Variants in EPHB3 observed in about 807,000 individuals in gnomAD.
EPHB3 encodes the protein ephrin type-B receptor 3.
In EPHB3, 33 loss-of-function variants were observed where a neutral mutation model predicts 100.2. The ratio of observed to expected loss-of-function variants is 0.33; its 90% CI spans 0.25 to 0.44. The LOEUF (loss-of-function observed/expected upper bound fraction) is 0.44, where lower values mean the gene tolerates loss of function less well. EPHB3 is among the 20% of genes least tolerant of loss of function. The pLI is 1.00. For synonymous variants in EPHB3, 526 were observed against 554.7 expected, an observed-to-expected ratio of 0.95 and a Z score of 0.73; for missense variants, 1,045 against 1,378.3, an observed-to-expected ratio of 0.76 and a Z score of 3.83.
chr3:184,576,767 T>G, intron 4 of EPHB3, 75 bp from the exon 5 acceptor site: 1 of 1,406,962 alleles, frequency 7.1e-7, no homozygotes, highest in South Asian at 1.5e-5. Flanking sequence ...CAGATTGGAG[T>G]GTGCTGGAAC....
chr3:184,580,082 CATAAGTATGGGAGTT>C (rs1714782611), intron 11 of EPHB3, 148 bp downstream of exon 11: 1 of 1,272,664 alleles, frequency 7.9e-7, no homozygotes, highest in African/African-American at 1.5e-5. Flanking sequence ...CCTTCATAGC[CATAAGTATGGGAGTT>C]CACATCTTGA....
intron 1 of EPHB3, among the ~76,000 whole-genome samples, chr3:184,570,415 A>G (rs1403861081): frequency 6.6e-6 from 1 of 152,228 alleles, no homozygotes; most frequent in African/African-American, 2.4e-5. Context: ...TTGTCTGGGC[A>G]TCAGTGTTCT....
At position 184,573,605 on chromosome 3, in the gene EPHB3, C is replaced by A; in HGVS notation, c.856+429C>A. ...CTTGTGCATGGCTTTTTACCCTGGGCTCTCTGCCCCTTGGGAGGCAGTATA... is the reference window on the plus strand; with the variant it reads ...CTTGTGCATGGCTTTTTACCCTGGGATCTCTGCCCCTTGGGAGGCAGTATA... On this transcript the variant is annotated intron_variant, in intron 3 of 15. Transcript: ENST00000330394. The surrounding 1 kb of genome is among the most constrained non-coding windows in gnomAD (Gnocchi z 4.5). 8.5e-6 allele frequency among the ~76,000 whole-genome samples: 1 copy of A among 117,906 alleles called. No homozygotes were observed. Among genetic ancestry groups the A allele is most frequent in the Non-Finnish European group, 1.9e-5 (1 of 53,630 alleles). The allele number at this position is 117,906 out of a possible 152,430, so 77.4% of individuals were successfully genotyped here.
In EPHB3 at chr3:184,565,249, C is replaced by T. The variant is rs565952550; in HGVS notation, c.118+2896C>T. Among the ~76,000 whole-genome samples, 1 of 152,234 alleles carries T rather than the reference C, an allele frequency of 6.6e-6. No individual in the cohort carries two copies. Among genetic ancestry groups the T allele is most frequent in the South Asian group, 2.1e-4 (1 of 4,822 alleles). On this transcript the variant is annotated intron_variant, in intron 1 of 15. Transcript: ENST00000330394. This position sits in a 1 kb window ranked among gnomAD's most constrained non-coding sequence, Gnocchi z 4.8. ...AATTGCCCTGGGCTTTACGCACAGC[C>T]ACAGGGAAACAGGGCCACCTTGTCA...
chr3:184,577,930 C>T lies in EPHB3; in HGVS notation c.1672C>T (p.Pro558Ser). 6.2e-7 allele frequency: 1 copy of T among 1,614,028 alleles called. No homozygotes were observed. Among genetic ancestry groups the T allele is most frequent in the Non-Finnish European group, 8.5e-7 (1 of 1,179,968 alleles). The change falls in exon 8 of 16, where the codon CCC (proline) becomes TCC (serine). Residue 558 changes from proline (P) to serine (S), a missense_variant. By Grantham distance (74) the Pro-to-Ser change is moderately conservative. This residue lies in a region of EPHB3 where 985 missense variants were observed against 1,331.1 expected (regional missense o/e 0.74). Transcript: ENST00000330394. This position sits in a 1 kb window ranked among gnomAD's most constrained non-coding sequence, Gnocchi z 4.9. Reference protein sequence around the residue: ...SGAQQLQEQLPLIVGSATAGL... With the variant: ...SGAQQLQEQLSLIVGSATAGL... ...GGCCCAGCAGCTCCAGGAGCAGCTT[C>T]CCCTCATCGTGGGCTCCGCTACAGC... is the stretch of plus-strand genomic sequence containing the variant.
At chr3:184,570,980 G>A (rs1034813345) in intron 1 of EPHB3, among the ~76,000 whole-genome samples, 9 of 140,036 alleles carry the variant, frequency 6.4e-5, no homozygotes, top group Non-Finnish European at 1.2e-4. Context: ...TTTAGACAGA[G>A]TTTCTCTCTC....
At chr3:184,575,770 G>A (rs912171428) in intron 3 of EPHB3, 60 bp from the exon 4 acceptor site, 13 of 1,507,898 alleles carry the variant, frequency 8.6e-6, no homozygotes, top group Admixed American at 4.3e-5. Flanking sequence ...ATGGAGCTGC[G>A]GAGGTCTGGT....
chr3:184,573,913 C>A lies in EPHB3; in HGVS notation c.856+737C>A, dbSNP rs1358392742. ...TGTATTTTTAGTAGACCGGGTTTCA[C>A]CATGTTGGTCAGGCTGGTCTCGAAC... On this transcript the variant is annotated intron_variant, in intron 3 of 15. Coordinates refer to ENST00000330394, the MANE Select transcript of EPHB3 (RefSeq NM_004443.4). This position sits in a 1 kb window ranked among gnomAD's most constrained non-coding sequence, Gnocchi z 4.5. Among the ~76,000 whole-genome samples the A allele has an allele frequency of 6.6e-6, 1 of 152,016 alleles. No homozygotes were observed. The highest frequency in any genetic ancestry group is 1.9e-4 in the East Asian group (1 of 5,176).
chr3:184,575,981 T>C lies in EPHB3; in HGVS notation c.1008T>C (p.Cys336=), dbSNP rs7652597. The change falls in exon 4 of 16, where the codon TGT becomes TGC. Residue 336 remains cysteine (C), a synonymous_variant. Transcript: ENST00000330394. The stretch of plus-strand genomic sequence containing the variant: ...ACTCGGACTCTGCGGACAGTGCCTG[T>C]ACCAGTGAGTGAACGCGTGACCTCT... ...RADSDSADSA[C]TTVPSPPRGV... The C allele has an allele frequency of 0.32, 516,925 of 1,609,548 alleles. 86,976 individuals carry two copies. Among genetic ancestry groups the C allele is most frequent in the African/African-American group, 0.55 (40,765 of 74,788 alleles).
chr3:184,562,196 C>A lies in EPHB3; in HGVS notation c.-40C>A. The stretch of plus-strand genomic sequence containing the variant: ...CTGCAGCCCCGCCGGCGCGGCCCGG[C>A]CCGGCGCGGCCCGGCTCGGCTCCTA... On this transcript the variant is annotated 5_prime_UTR_variant, in exon 1 of 16. Transcript: ENST00000330394. The surrounding 1 kb of genome is among the most constrained non-coding windows in gnomAD (Gnocchi z 4.8). 1 of 466,824 alleles carries A rather than the reference C, an allele frequency of 2.1e-6. No homozygotes were observed. The highest frequency in any genetic ancestry group is 2.9e-6 in the Non-Finnish European group (1 of 344,426). 28.9% of individuals were successfully genotyped at this position (466,824 alleles called of 1,614,324 possible).
rs780703655 is a variant in EPHB3, at chr3:184,579,734, C to T, written c.1972C>T (p.Arg658Ter). 4 of 1,612,976 alleles carry T rather than the reference C, an allele frequency of 2.5e-6. No individual in the cohort carries two copies. The highest frequency in any genetic ancestry group is 3.4e-6 in the Non-Finnish European group (4 of 1,179,542). ...TGGTCGACTGAAACAGCCTGGCCGC[C>T]GAGAGGTGTTTGTGGCCATCAAGAC... ...CRGRLKQPGR[R>*]EVFVAIKTLK... The change falls in exon 11 of 16, where the codon CGA becomes TGA. Residue 658 changes from arginine to a stop codon, truncating the protein, a stop_gained. Transcript: ENST00000330394. LOFTEE classifies it high-confidence loss of function. This position sits in a 1 kb window ranked among gnomAD's most constrained non-coding sequence, Gnocchi z 5.2.
At position 184,569,746 on chromosome 3, in the gene EPHB3, C is replaced by G. The variant is rs1277571893; in HGVS notation, c.119-1572C>G. On this transcript the variant is annotated intron_variant, in intron 1 of 15. Coordinates refer to ENST00000330394, the MANE Select transcript of EPHB3 (RefSeq NM_004443.4). This position sits in a 1 kb window ranked among gnomAD's most constrained non-coding sequence, Gnocchi z 5.4. ...CTTGTCCACCCACGGGGTCCTCCGC[C>G]GTCCTCGGCTCAGACCCAGCCTCCG... Among the ~76,000 whole-genome samples, 1 of 152,260 alleles carries G rather than the reference C, an allele frequency of 6.6e-6. No individual in the cohort carries two copies. The highest frequency in any genetic ancestry group is 1.5e-5 in the Non-Finnish European group (1 of 68,044).
chr3:184,575,923 T>C lies in EPHB3; in HGVS notation c.950T>C (p.Ile317Thr), dbSNP rs1577528516. 1 of 1,613,790 alleles carries C rather than the reference T, an allele frequency of 6.2e-7. No homozygotes were observed. The highest frequency in any genetic ancestry group is 1.3e-5 in the African/African-American group (1 of 75,024). Residue 317 changes from isoleucine to threonine, a missense_variant, in exon 4 of 16, where the codon ATC (isoleucine) becomes ACC (threonine). By Grantham distance (89) the Ile-to-Thr change is moderately conservative. Around this residue, in one of 2 missense-constraint regions of EPHB3, gnomAD observed 985 missense variants for 1,331.1 expected, o/e 0.74. Coordinates refer to ENST00000330394, the MANE Select transcript of EPHB3 (RefSeq NM_004443.4). ...NSRTTSPAAS[I>T]CTCHNNFYRA... is the part of the protein sequence containing the mutation. ...CGTACCACCTCCCCAGCCGCCAGCA[T>C]CTGCACCTGCCACAATAACTTCTAC...
At position 184,572,538 on chromosome 3, in the gene EPHB3, A is replaced by T; in HGVS notation, c.218A>T (p.Asn73Ile). The T allele has an allele frequency of 6.4e-7, 1 of 1,559,290 alleles. No homozygotes were observed. The highest frequency in any genetic ancestry group is 1.3e-5 in the South Asian group (1 of 79,924). The change falls in exon 3 of 16, where the codon AAT (asparagine) becomes ATT (isoleucine). Residue 73 changes from asparagine (N) to isoleucine (I), a missense_variant. Asn to Ile is a moderately radical substitution (Grantham distance 149). Coordinates refer to ENST00000330394, the MANE Select transcript of EPHB3 (RefSeq NM_004443.4). The surrounding 1 kb of genome is among the most constrained non-coding windows in gnomAD (Gnocchi z 6.6). Reference sequence around the variant, plus strand: ...GTGAGTGGCTACGATGAGGCCATGAATCCCATCCGCACATACCAGGTGTGT... The same window carrying T: ...GTGAGTGGCTACGATGAGGCCATGATTCCCATCCGCACATACCAGGTGTGT... ...EEVSGYDEAMNPIRTYQVCNV... is the reference protein window; with the variant it reads ...EEVSGYDEAMIPIRTYQVCNV...
rs553233723 is a variant in EPHB3 at position 184,573,653 on chromosome 3, C to T, written c.856+477C>T. The stretch of plus-strand genomic sequence containing the variant: ...ATATAAATGGCACAGTGGTTAGGGG[C>T]CCAGTCCCTGAAGTTGAGTCCTGAC... On this transcript the variant is annotated intron_variant, in intron 3 of 15. Transcript: ENST00000330394. The surrounding 1 kb of genome is among the most constrained non-coding windows in gnomAD (Gnocchi z 4.5). 2.6e-5 allele frequency among the ~76,000 whole-genome samples: 4 copies of T among 152,096 alleles called. No individual in the cohort carries two copies. Among genetic ancestry groups the T allele is most frequent in the African/African-American group, 9.6e-5 (4 of 41,472 alleles).
chr3:184,578,335 C>A lies in EPHB3; in HGVS notation c.1749-79C>A. 3 of 1,600,100 alleles carry A rather than the reference C, an allele frequency of 1.9e-6. No homozygotes were observed. The highest frequency in any genetic ancestry group is 8.5e-7 in the Non-Finnish European group (1 of 1,169,664). On this transcript the variant is annotated intron_variant, in intron 8 of 15. Transcript: ENST00000330394. This position sits in a 1 kb window ranked among gnomAD's most constrained non-coding sequence, Gnocchi z 4.7. ...ATCCCCTGTATCCTCTCCGCCCCTT[C>A]TGTGAGCCCAAGGGTGCCCTGAACA...
chr3:184,568,283 T>C (rs564294349), intron 1 of EPHB3, among the ~76,000 whole-genome samples: 2 of 152,308 alleles, frequency 1.3e-5, no homozygotes, highest in South Asian at 2.1e-4. Context: ...GTGACTTTGC[T>C]GGGCAGTTGT....
At position 184,571,404 on chromosome 3, in the gene EPHB3, C is replaced by T; in HGVS notation, c.183+22C>T. ...TGGGGTGAGGCTTTCCCATCATTCTCCTGAGTGTTGTTTGCCATTAGGCCT... is the reference window on the plus strand; with the variant it reads ...TGGGGTGAGGCTTTCCCATCATTCTTCTGAGTGTTGTTTGCCATTAGGCCT... On this transcript the variant is annotated intron_variant, in intron 2 of 15. Coordinates refer to ENST00000330394, the MANE Select transcript of EPHB3 (RefSeq NM_004443.4). The surrounding 1 kb of genome is among the most constrained non-coding windows in gnomAD (Gnocchi z 5.0). 1 of 1,613,624 alleles carries T rather than the reference C, an allele frequency of 6.2e-7. No homozygotes were observed. Among genetic ancestry groups the T allele is most frequent in the Admixed American group, 1.7e-5 (1 of 60,010 alleles).
Position 184,563,962 on chromosome 3 carries a change from G to A in EPHB3, c.118+1609G>A, listed in dbSNP as rs1278066207. On this transcript the variant is annotated intron_variant, in intron 1 of 15. Transcript: ENST00000330394. This position sits in a 1 kb window ranked among gnomAD's most constrained non-coding sequence, Gnocchi z 4.1. ...GGAGTGGGAGTGTGGTTTGGGTCAG[G>A]TGCACAGGGGCTACCTGAGGAGGCT... 6.6e-6 allele frequency among the ~76,000 whole-genome samples: 1 copy of A among 152,188 alleles called. No homozygotes were observed. The highest frequency in any genetic ancestry group is 1.5e-5 in the Non-Finnish European group (1 of 68,018).
Sources: gnomAD v4.1 joint callset for allele counts (sites outside exome capture counted in the v4.1 genomes callset) on GRCh38, gnomAD v4.1.1 for gene constraint, gnomAD v4.1.1 regional missense constraint, Gnocchi (gnomAD v3.1) non-coding constraint, MANE v1.5 for transcripts, NCBI Gene and HGNC (gene_info 2026-07-23, HGNC 2026-07-21) for gene names.